The following NHS variants were observed in gnomAD, a reference collection of about 807,000 sequenced individuals.
The protein encoded by NHS is actin remodeling regulator NHS.
NHS carries 5 observed loss-of-function variants against 72.5 expected under a neutral mutation model. That is an observed-to-expected ratio of 0.07 (90% confidence interval 0.04 to 0.14). The LOEUF is 0.14. Ranked by LOEUF, NHS falls within the 10% of genes least tolerant of loss-of-function variation. The pLI is 1.00. For synonymous variants in NHS, 464 were observed against 547.7 expected (o/e 0.85, Z 2.13); for missense variants, 1,072 against 1,355.7 (o/e 0.79, Z 3.29).
At chrX:17,563,326 G>T (rs1020379461) in intron 1 of NHS, among the ~76,000 whole-genome samples, 2 of 112,479 alleles carry the variant, frequency 1.8e-5, no homozygotes, top group Non-Finnish European at 3.8e-5. Context: ...AATGTTTAAT[G>T]GGCTGAGCAG....
chrX:17,421,905 C>T (rs2064625912), intron 1 of NHS, among the ~76,000 whole-genome samples: 1 of 109,915 alleles, frequency 9.1e-6, no homozygotes, highest in African/African-American at 3.3e-5. Flanking sequence ...TTAATGTTTT[C>T]CTTTTCAAAA....
rs959391079 is a variant in NHS, at chrX:17,633,347, A to G, written c.566-54395A>G. 2.7e-5 allele frequency among the ~76,000 whole-genome samples: 3 copies of G among 111,924 alleles called. No homozygotes were observed. The Admixed American group carries it at 2.8e-4, about 11-fold the overall frequency. Reference sequence around the variant, plus strand: ...TCTCTGATCTTTGCTACCTATGGGAATAGGGCTGCTGGCCTAGTGTCCACA... The same window carrying G: ...TCTCTGATCTTTGCTACCTATGGGAGTAGGGCTGCTGGCCTAGTGTCCACA... On this transcript the variant is annotated intron_variant, in intron 1 of 8. Transcript: ENST00000676302.
chrX:17,724,401 G>A lies in NHS; in HGVS notation c.1211G>A (p.Gly404Asp). ...RKLRRRKTIS[G>D]IPRRVQQEID... Reference sequence around the variant, plus strand: ...TTGAGGAGGAGGAAAACCATCTCGGGTATCCCCAGAAGAGTTCAACAAGAA... The same window carrying A: ...TTGAGGAGGAGGAAAACCATCTCGGATATCCCCAGAAGAGTTCAACAAGAA... Residue 404 changes from glycine (G) to aspartate (D), a missense_variant, in exon 6 of 9, where the codon GGT becomes GAT. Coordinates refer to ENST00000676302, the MANE Select transcript of NHS (RefSeq NM_001291867.2). The A allele has an allele frequency of 8.3e-7, 1 of 1,211,745 alleles. No homozygotes were observed.
rs2065262870 is a variant in NHS at position 17,541,533 on chromosome X, T to A, written c.566-146209T>A. Reference sequence around the variant, plus strand: ...AAACCTGTAAATTGAATGTTGATAATGATAATGATTTTTACTTTACAGATA... The same window carrying A: ...AAACCTGTAAATTGAATGTTGATAAAGATAATGATTTTTACTTTACAGATA... On this transcript the variant is annotated intron_variant, in intron 1 of 8. Coordinates refer to ENST00000676302, the MANE Select transcript of NHS (RefSeq NM_001291867.2). 2.7e-5 allele frequency among the ~76,000 whole-genome samples: 3 copies of A among 111,280 alleles called. No individual in the cohort carries two copies. In the Admixed American group the frequency reaches 2.9e-4, roughly 11 times the overall value.
chrX:17,478,583 C>T (rs1297280450), intron 1 of NHS, among the ~76,000 whole-genome samples: 1 of 111,703 alleles, frequency 9.0e-6, no homozygotes, highest in Non-Finnish European at 1.9e-5. Context: ...CCTCCCAATA[C>T]CTAGGACTTT....
intron 1 of NHS, among the ~76,000 whole-genome samples, chrX:17,473,075 C>T (rs772941889): frequency 3.6e-5 from 4 of 111,828 alleles, no homozygotes; most frequent in African/African-American, 9.8e-5. Context: ...TCAAGACTGT[C>T]GAGCCAAGTC....
chrX:17,620,832 A>G (rs1009077013), intron 1 of NHS, among the ~76,000 whole-genome samples: 3 of 111,225 alleles, frequency 2.7e-5, no homozygotes, highest in African/African-American at 9.8e-5. Context: ...GAATGGGACT[A>G]TGTCTTGAGT....
At chrX:17,478,417 C>T (rs1201397989) in intron 1 of NHS, among the ~76,000 whole-genome samples, 1 of 111,928 alleles carries the variant, frequency 8.9e-6, no homozygotes, top group East Asian at 2.8e-4. Flanking sequence ...AATGAATGGG[C>T]TTGACCTTGA....
chrX:17,384,190 A>G (rs1297142017), intron 1 of NHS, among the ~76,000 whole-genome samples: 1 of 111,995 alleles, frequency 8.9e-6, no homozygotes, highest in Non-Finnish European at 1.9e-5. Flanking sequence ...CTTTCTGTTC[A>G]GTCTACCACT....
At chrX:17,679,012 A>G (rs979788674) in intron 1 of NHS, among the ~76,000 whole-genome samples, 5 of 111,004 alleles carry the variant, frequency 4.5e-5, no homozygotes, top group African/African-American at 1.6e-4. Flanking sequence ...TTCCTGCTGA[A>G]AAACCAAGTT....
At chrX:17,430,132 C>T (rs867568293) in intron 1 of NHS, among the ~76,000 whole-genome samples, 1 of 84,254 alleles carries the variant, frequency 1.2e-5, no homozygotes. Flanking sequence ...CCATCCCTCC[C>T]TCCCTCCCTG....
chrX:17,421,226 CGTGT>C (rs773736556), intron 1 of NHS, among the ~76,000 whole-genome samples: 2 of 99,679 alleles, frequency 2.0e-5, no homozygotes, highest in African/African-American at 3.9e-5. Context: ...AGCAGCTCTA[CGTGT>C]GTGTGTGTGT....
chrX:17,555,069 A>G (rs1021005634), intron 1 of NHS, among the ~76,000 whole-genome samples: 2 of 109,532 alleles, frequency 1.8e-5, no homozygotes, highest in Non-Finnish European at 3.8e-5. Context: ...TCTCATTGAG[A>G]AACAGCTGTT....
intron 1 of NHS, among the ~76,000 whole-genome samples, chrX:17,500,463 T>C (rs1403476453): frequency 5.4e-5 from 6 of 111,657 alleles, no homozygotes; most frequent in Non-Finnish European, 1.1e-4. Context: ...CTTCTGAAGG[T>C]TGTGGAGGAG....
chrX:17,418,992 G>T (rs2064609990), intron 1 of NHS, among the ~76,000 whole-genome samples: 1 of 112,604 alleles, frequency 8.9e-6, no homozygotes, highest in South Asian at 3.7e-4. Flanking sequence ...TCTTGTGTAT[G>T]TATTTGTGGA....
At chrX:17,415,109 G>C (rs2064585834) in intron 1 of NHS, among the ~76,000 whole-genome samples, 1 of 111,414 alleles carries the variant, frequency 9.0e-6, no homozygotes, top group Non-Finnish European at 1.9e-5. Context: ...TCTGCACCAA[G>C]AACAAGCAAA....
At chrX:17,491,754 CTT>C (rs760624484) in intron 1 of NHS, among the ~76,000 whole-genome samples, 8 of 68,534 alleles carry the variant, frequency 1.2e-4, no homozygotes, top group East Asian at 4.6e-4. Context: ...TGGTCCTGGG[CTT>C]TTTTTTTTTT....
chrX:17,539,167 C>G (rs1050976822), intron 1 of NHS, among the ~76,000 whole-genome samples: 1 of 111,735 alleles, frequency 8.9e-6, no homozygotes, highest in East Asian at 2.9e-4. Context: ...CTTGCTGTTC[C>G]CTCTGCCTGG....
intron 1 of NHS, among the ~76,000 whole-genome samples, chrX:17,386,062 T>C (rs1030355661): frequency 8.9e-6 from 1 of 112,039 alleles, no homozygotes; most frequent in East Asian, 2.8e-4. Flanking sequence ...TATTGCTGGA[T>C]AGCTCCCATT....
Sources: allele counts gnomAD v4.1 joint callset (sites outside exome capture counted in the v4.1 genomes callset), GRCh38; gene constraint gnomAD v4.1.1; transcripts MANE v1.5; gene names NCBI Gene and HGNC (gene_info 2026-07-23, HGNC 2026-07-21).